The following DIP2A variants were observed in gnomAD, a reference collection of about 807,000 sequenced individuals.
DIP2A encodes the protein DIP2 acetate--CoA ligase A.
DIP2A carries 85 observed loss-of-function variants against 177.4 expected under a neutral mutation model. The observed-to-expected ratio is 0.48, with a 90% CI of 0.40 to 0.57. The LOEUF (loss-of-function observed/expected upper bound fraction) is 0.57, where lower values mean the gene tolerates loss of function less well. Ranked by LOEUF, DIP2A falls within the 20% of genes least tolerant of loss-of-function variation. The probability of loss-of-function intolerance (pLI) is 0.00; values close to 1 mark genes in which losing one functional copy is unlikely to be tolerated. For missense variants in DIP2A, 1,791 were observed against 2,100.2 expected, an observed-to-expected ratio of 0.85 and a Z score of 2.88; for synonymous variants, 886 against 881.8, an observed-to-expected ratio of 1.00 and a Z score of -0.08.
Position 46,546,896 on chromosome 21 carries a change from C to T in DIP2A, c.2395-19C>T, listed in dbSNP as rs755254388. ...TCTGCCCGTGTGGGTGGAGTCTTGA[C>T]GCACACCCTTTCCCTCAGGACAACC... On this transcript the variant is annotated intron_variant, in intron 20 of 37. Coordinates refer to ENST00000417564, the MANE Select transcript of DIP2A (RefSeq NM_015151.4). 47 of 1,612,912 alleles carry T rather than the reference C, an allele frequency of 2.9e-5. No homozygotes were observed. The highest frequency in any genetic ancestry group is 1.6e-4 in the Middle Eastern group (1 of 6,078).
chr21:46,496,361 G>A (rs1016219549), intron 3 of DIP2A, among the ~76,000 whole-genome samples: 1 of 152,146 alleles, frequency 6.6e-6, no homozygotes, highest in South Asian at 2.1e-4. Flanking sequence ...ATATGAGAGA[G>A]TTTAAAAGTT....
At chr21:46,539,626 T>C in intron 16 of DIP2A, 1 of 504,634 alleles carries the variant, frequency 2.0e-6, no homozygotes, top group Non-Finnish European at 3.6e-6. Context: ...AGCACCTTCC[T>C]GTCCCTAGTG....
Position 46,498,446 on chromosome 21 carries a change from T to G in DIP2A, c.404-136T>G. 1 of 1,069,994 alleles carries G rather than the reference T, an allele frequency of 9.3e-7. No individual in the cohort carries two copies. The highest frequency in any genetic ancestry group is 1.4e-6 in the Non-Finnish European group (1 of 740,226). The allele number at this position is 1,069,994 out of a possible 1,614,324, so 66.3% of individuals were successfully genotyped here. ...GAGGGTGACCTTTGAGCTGACTGCG[T>G]GGCTTTGGGCAGAGCTGTGCCAGGT... On this transcript the variant is annotated intron_variant, in intron 4 of 37. Transcript: ENST00000417564. The surrounding 1 kb of genome is among the most constrained non-coding windows in gnomAD (Gnocchi z 4.3).
chr21:46,573,699 T>C (rs1227463815), downstream of DIP2A, among the ~76,000 whole-genome samples: 1 of 83,756 alleles, frequency 1.2e-5, no homozygotes, highest in Non-Finnish European at 2.5e-5. Flanking sequence ...TCCATGCAAA[T>C]AGTAATCAAC....
Position 46,557,180 on chromosome 21 carries a change from G to A in DIP2A, c.3629+111G>A. The stretch of plus-strand genomic sequence containing the variant: ...GGTGCTCAGGAAGCCGATGAGATGT[G>A]TGTGAGTGGGTTTGTTTGGGGATGA... On this transcript the variant is annotated intron_variant, in intron 30 of 37. Coordinates refer to ENST00000417564, the MANE Select transcript of DIP2A (RefSeq NM_015151.4). The surrounding 1 kb of genome is among the most constrained non-coding windows in gnomAD (Gnocchi z 6.0). 7.9e-7 allele frequency: 1 copy of A among 1,266,968 alleles called. No individual in the cohort carries two copies. Among genetic ancestry groups the A allele is most frequent in the African/African-American group, 1.5e-5 (1 of 66,464 alleles). The allele number at this position is 1,266,968 out of a possible 1,614,324, so 78.5% of individuals were successfully genotyped here.
chr21:46,506,589 G>C (rs572479751), intron 6 of DIP2A, among the ~76,000 whole-genome samples: 3 of 152,012 alleles, frequency 2.0e-5, no homozygotes, highest in Admixed American at 6.5e-5. Context: ...TCTCATTACA[G>C]TTTCAATTTG....
chr21:46,503,607 CCTTCCTTT>C (rs1377266250), intron 5 of DIP2A, among the ~76,000 whole-genome samples: 32 of 102,980 alleles, frequency 3.1e-4, no homozygotes, highest in Admixed American at 8.2e-4. Context: ...TTCCTTCCTT[CCTTCCTTT>C]CTTTCTTTCT....
chr21:46,547,283 G>C, intron 21 of DIP2A: 1 of 1,219,960 alleles, frequency 8.2e-7, no homozygotes, highest in Non-Finnish European at 1.0e-6. Flanking sequence ...TGTAAAATTT[G>C]GGGCAAAGGC....
chr21:46,471,488 G>A (rs2148327496), intron 1 of DIP2A, among the ~76,000 whole-genome samples: 1 of 152,308 alleles, frequency 6.6e-6, no homozygotes, highest in East Asian at 1.9e-4. Context: ...GCTGTGCAGT[G>A]AGCTTGCTTC....
chr21:46,558,716 C>T (rs2060561606), intron 32 of DIP2A: 2 of 324,954 alleles, frequency 6.2e-6, no homozygotes, highest in Non-Finnish European at 1.2e-5. Flanking sequence ...AGATATCTAG[C>T]AATATTAAAT....
In DIP2A at chr21:46,511,612, A is replaced by G; in HGVS notation, c.1100A>G (p.Tyr367Cys). ...GGGAAAGCCGTCTACACTCTCACCT[A>G]TGGCAAGTGTTAACAGAAAGCAGTT... ...TTGKAVYTLT[Y>C]GKLWSRSLKL... Residue 367 changes from tyrosine to cysteine, a missense_variant and splice_region_variant, in exon 8 of 38, where the codon TAT becomes TGT. Coordinates refer to ENST00000417564, the MANE Select transcript of DIP2A (RefSeq NM_015151.4). 1 of 1,529,450 alleles carries G rather than the reference A, an allele frequency of 6.5e-7. No homozygotes were observed. Among genetic ancestry groups the G allele is most frequent in the Non-Finnish European group, 8.8e-7 (1 of 1,141,562 alleles). The allele number at this position is 1,529,450 out of a possible 1,614,324, so 94.7% of individuals were successfully genotyped here.
chr21:46,513,762 A>G (rs973749271), intron 8 of DIP2A, among the ~76,000 whole-genome samples: 5 of 152,192 alleles, frequency 3.3e-5, no homozygotes, highest in Admixed American at 2.0e-4. Flanking sequence ...CTCAAAGAAA[A>G]TGCTCATTGG....
chr21:46,532,198 GCTGGTTC>G lies in DIP2A; in HGVS notation c.1270_1276del (p.Val424SerfsTer3), dbSNP rs1339359033. Reference sequence around the variant, plus strand: ...CATTTTATGGGTGTCTCCTGGCAGAGCTGGTTCCTGTCCCCATAGAAGTGCCATTAAC... The same window carrying G: ...CATTTTATGGGTGTCTCCTGGCAGAGCTGTCCCCATAGAAGTGCCATTAAC... On this transcript the variant is annotated frameshift_variant, in exon 10 of 38. Coordinates refer to ENST00000417564, the MANE Select transcript of DIP2A (RefSeq NM_015151.4). LOFTEE classifies it high-confidence loss of function. 6.2e-7 allele frequency: 1 copy of G among 1,613,850 alleles called. No individual in the cohort carries two copies. Among genetic ancestry groups the G allele is most frequent in the Non-Finnish European group, 8.5e-7 (1 of 1,179,872 alleles).
At chr21:46,487,662 G>A (rs934324588) in intron 2 of DIP2A, among the ~76,000 whole-genome samples, 8 of 152,022 alleles carry the variant, frequency 5.3e-5, no homozygotes, top group African/African-American at 1.7e-4. Flanking sequence ...GCAAATATGC[G>A]GCTTTTCTCT....
rs79361410 is a variant in DIP2A, at chr21:46,540,501, G to T, written c.2036+510G>T. 2.7e-3 allele frequency among the ~76,000 whole-genome samples: 417 copies of T among 152,212 alleles called. 2 individuals carry two copies. Among genetic ancestry groups the T allele is most frequent in the African/African-American group, 9.6e-3 (400 of 41,532 alleles). On this transcript the variant is annotated intron_variant, in intron 17 of 37. Coordinates refer to ENST00000417564, the MANE Select transcript of DIP2A (RefSeq NM_015151.4). Reference sequence around the variant, plus strand: ...GACTGCCCTGAGTGTCCTTGTGTGTGGGTGCGGGGCTGCTGGTCCTTCCTG... The same window carrying T: ...GACTGCCCTGAGTGTCCTTGTGTGTTGGTGCGGGGCTGCTGGTCCTTCCTG...
At chr21:46,533,682 T>C (rs780469806) in intron 11 of DIP2A, 35 bp downstream of exon 11, 1 of 1,613,710 alleles carries the variant, frequency 6.2e-7, no homozygotes, top group South Asian at 1.1e-5. Flanking sequence ...GTCAGTGTTC[T>C]GACTGTGGTC....
Position 46,545,257 on chromosome 21 carries a change from C to T in DIP2A, c.2297C>T (p.Thr766Met), listed in dbSNP as rs1569081810. Residue 766 changes from threonine to methionine, a missense_variant, in exon 19 of 38, where the codon ACG becomes ATG. Physicochemically the swap from Thr to Met is moderately conservative, Grantham distance 81 (BLOSUM62 -1). Transcript: ENST00000417564. Reference protein sequence around the residue: ...GTAYYGLLGITKNVFEAVPVT... With the variant: ...GTAYYGLLGIMKNVFEAVPVT... ...GCGTACTATGGATTGCTTGGAATCA[C>T]GAAGAATGTGTTTGAGGTTTGTCCC... 5 of 1,597,552 alleles carry T rather than the reference C, an allele frequency of 3.1e-6. No individual in the cohort carries two copies. Among genetic ancestry groups the T allele is most frequent in the East Asian group, 2.3e-5 (1 of 44,392 alleles).
intron 1 of DIP2A, among the ~76,000 whole-genome samples, chr21:46,459,594 C>G (rs1259808560): frequency 6.7e-6 from 1 of 148,484 alleles, no homozygotes; most frequent in Non-Finnish European, 1.5e-5. Context: ...CCGGGGACCC[C>G]GCCCTTCACC....
rs760554750 is a variant in DIP2A, at chr21:46,509,385, TG to T, written c.904+10del. 6.3e-7 allele frequency: 1 copy of T among 1,599,746 alleles called. No homozygotes were observed. The highest frequency in any genetic ancestry group is 1.1e-5 in the South Asian group (1 of 88,538). On this transcript the variant is annotated intron_variant, in intron 7 of 37. Transcript: ENST00000417564. The stretch of plus-strand genomic sequence containing the variant: ...TGAGGAATTGTTGGAAGGTAAGAGT[TG>T]TCCAACTTTGAGCTTTTCTGTTTGT...
Sources: gnomAD v4.1 joint callset for allele counts (sites outside exome capture counted in the v4.1 genomes callset) on GRCh38, gnomAD v4.1.1 for gene constraint, Gnocchi (gnomAD v3.1) non-coding constraint, MANE v1.5 for transcripts, NCBI Gene and HGNC (gene_info 2026-07-23, HGNC 2026-07-21) for gene names.